The following ZC2HC1B variants were observed in gnomAD, a reference collection of about 807,000 sequenced individuals.
ZC2HC1B encodes zinc finger C2HC domain-containing protein 1B.
A neutral mutation model predicts 31.0 loss-of-function variants in ZC2HC1B; 36 were observed. The observed-to-expected ratio is 1.16, with a 90% CI of 0.89 to 1.54. ZC2HC1B has a LOEUF of 1.54. Ranked by LOEUF, ZC2HC1B falls within the 40% of genes most tolerant of loss-of-function variation. The pLI is 0.00. For missense variants in ZC2HC1B, 260 were observed against 268.6 expected (o/e 0.97, Z 0.22); for synonymous variants, 73 against 88.0 (o/e 0.83, Z 0.95).
At chr6:143,906,592 C>T (rs944477648) in intron 6 of ZC2HC1B, among the ~76,000 whole-genome samples, 1 of 151,992 alleles carries the variant, frequency 6.6e-6, no homozygotes, top group Non-Finnish European at 1.5e-5. Context: ...CACAGGCACA[C>T]ACCACCACAC....
rs2128495465 is a variant in ZC2HC1B at position 143,905,378 on chromosome 6, G to C, written c.598+2226G>C. ...TTTGATTGTTCATTGTCAGTATATA[G>C]AAACACAACTAATTTTCCTGTGTTG... On this transcript the variant is annotated intron_variant, in intron 6 of 7. Transcript: ENST00000237275. This position sits in a 1 kb window ranked among gnomAD's most constrained non-coding sequence, Gnocchi z 4.2. Among the ~76,000 whole-genome samples the C allele has an allele frequency of 6.6e-6, 1 of 152,130 alleles. No homozygotes were observed. The highest frequency in any genetic ancestry group is 3.4e-3 in the Middle Eastern group (1 of 294).
rs956999998 is a variant in ZC2HC1B at position 143,913,211 on chromosome 6, T to C, written c.598+10059T>C. Among the ~76,000 whole-genome samples, 1 of 152,002 alleles carries C rather than the reference T, an allele frequency of 6.6e-6. No homozygotes were observed. Among genetic ancestry groups the C allele is most frequent in the Non-Finnish European group, 1.5e-5 (1 of 67,974 alleles). On this transcript the variant is annotated intron_variant, in intron 6 of 7. Transcript: ENST00000237275. The surrounding 1 kb of genome is among the most constrained non-coding windows in gnomAD (Gnocchi z 5.7). ...TATGTGCAGGCAGGTGTGGCTGGAG[T>C]GTCCAGCTAGAAGGTTCTACCCAGT...
intron 1 of ZC2HC1B, among the ~76,000 whole-genome samples, chr6:143,882,355 T>TATATATATATATATATATATA (rs1777479999): frequency 7.2e-6 from 1 of 138,482 alleles, no homozygotes; most frequent in African/African-American, 2.9e-5. Context: ...TATATATATA[T>TATATATATATATATATATATA]ATATATATAT....
At chr6:143,888,464 A>G (rs1432382088) in intron 4 of ZC2HC1B, among the ~76,000 whole-genome samples, 2 of 152,160 alleles carry the variant, frequency 1.3e-5, no homozygotes, top group South Asian at 4.1e-4. Flanking sequence ...ATTGAACTGA[A>G]TATATAGAAT....
intron 6 of ZC2HC1B, among the ~76,000 whole-genome samples, chr6:143,930,598 C>G (rs1043250483): frequency 6.6e-6 from 1 of 151,984 alleles, no homozygotes; most frequent in Non-Finnish European, 1.5e-5. Flanking sequence ...ACCGTGGTCT[C>G]GATCTCCTGA....
chr6:143,869,141 G>A lies in ZC2HC1B; in HGVS notation c.28+4574G>A, dbSNP rs558024036. ...TGACCCAAACCTTCATTCCTGAAGG[G>A]TCTGGGCCATTTGTAGTCCTGCCTG... On this transcript the variant is annotated intron_variant, in intron 1 of 7. Transcript: ENST00000237275. This position sits in a 1 kb window ranked among gnomAD's most constrained non-coding sequence, Gnocchi z 5.2. 5.3e-4 allele frequency among the ~76,000 whole-genome samples: 80 copies of A among 152,230 alleles called. No individual in the cohort carries two copies. The highest frequency in any genetic ancestry group is 1.8e-3 in the African/African-American group (75 of 41,540).
chr6:143,891,017 G>C (rs1163150192), intron 4 of ZC2HC1B, among the ~76,000 whole-genome samples: 1 of 151,582 alleles, frequency 6.6e-6, no homozygotes, highest in Non-Finnish European at 1.5e-5. Flanking sequence ...TGTAATCCCA[G>C]TTACTCGGGA....
At chr6:143,925,081 G>A (rs1307799136) in intron 6 of ZC2HC1B, among the ~76,000 whole-genome samples, 3 of 148,600 alleles carry the variant, frequency 2.0e-5, no homozygotes, top group Non-Finnish European at 4.5e-5. Context: ...TTCTTTACAA[G>A]TTTGATAGCA....
At position 143,924,325 on chromosome 6, in the gene ZC2HC1B, T is replaced by G. The variant is rs946126031; in HGVS notation, c.599-13324T>G. 3.3e-5 allele frequency among the ~76,000 whole-genome samples: 5 copies of G among 151,350 alleles called. No individual in the cohort carries two copies. Among genetic ancestry groups the G allele is most frequent in the African/African-American group, 4.8e-5 (2 of 41,280 alleles). ...TTACTAAATTCATTTATTCTAGGAG[T>G]GTTTTTGGTGGAGTCTTTAGGTTTT... On this transcript the variant is annotated intron_variant, in intron 6 of 7. Transcript: ENST00000237275. The surrounding 1 kb of genome is among the most constrained non-coding windows in gnomAD (Gnocchi z 5.2).
rs1777337397 is a variant in ZC2HC1B at position 143,871,585 on chromosome 6, G to T, written c.28+7018G>T. 6.6e-6 allele frequency among the ~76,000 whole-genome samples: 1 copy of T among 152,184 alleles called. No homozygotes were observed. The highest frequency in any genetic ancestry group is 1.5e-5 in the Non-Finnish European group (1 of 68,024). ...ATGATAATCCACTCTCATTCTTCCAGATCCATCTGTCTTCTGCACAGGCCA... is the reference window on the plus strand; with the variant it reads ...ATGATAATCCACTCTCATTCTTCCATATCCATCTGTCTTCTGCACAGGCCA... On this transcript the variant is annotated intron_variant, in intron 1 of 7. Coordinates refer to ENST00000237275, the MANE Select transcript of ZC2HC1B (RefSeq NM_001013623.3). The surrounding 1 kb of genome is among the most constrained non-coding windows in gnomAD (Gnocchi z 4.1).
chr6:143,905,775 A>T lies in ZC2HC1B; in HGVS notation c.598+2623A>T, dbSNP rs940956387. On this transcript the variant is annotated intron_variant, in intron 6 of 7. Coordinates refer to ENST00000237275, the MANE Select transcript of ZC2HC1B (RefSeq NM_001013623.3). This position sits in a 1 kb window ranked among gnomAD's most constrained non-coding sequence, Gnocchi z 4.2. ...TGTTTTTATCATGAAAGGGTGTTGA[A>T]TTTTCTCAAATGGTTTTTTTTGCAT... Among the ~76,000 whole-genome samples, 6 of 151,810 alleles carry T rather than the reference A, an allele frequency of 4.0e-5. No individual in the cohort carries two copies. Among genetic ancestry groups the T allele is most frequent in the Non-Finnish European group, 8.8e-5 (6 of 67,906 alleles).
At chr6:143,873,591 T>C (rs1213684368) in intron 1 of ZC2HC1B, among the ~76,000 whole-genome samples, 2 of 152,234 alleles carry the variant, frequency 1.3e-5, no homozygotes, top group Non-Finnish European at 2.9e-5. Flanking sequence ...TCTTCTGAAA[T>C]CTAGGGGGAA....
rs929642374 is a variant in ZC2HC1B at position 143,934,877 on chromosome 6, C to T, written c.599-2772C>T. Among the ~76,000 whole-genome samples the T allele has an allele frequency of 4.6e-5, 7 of 152,134 alleles. No individual in the cohort carries two copies. Among genetic ancestry groups the T allele is most frequent in the African/African-American group, 7.2e-5 (3 of 41,408 alleles). ...TGTCCTTGGGACCCCAGGTAGCATACGTGGGCACTGGTGTTAGCAGGTCCA... is the reference window on the plus strand; with the variant it reads ...TGTCCTTGGGACCCCAGGTAGCATATGTGGGCACTGGTGTTAGCAGGTCCA... On this transcript the variant is annotated intron_variant, in intron 6 of 7. Transcript: ENST00000237275. This position sits in a 1 kb window ranked among gnomAD's most constrained non-coding sequence, Gnocchi z 4.6.
At chr6:143,896,189 C>A (rs1582961397) in intron 4 of ZC2HC1B, among the ~76,000 whole-genome samples, 1 of 152,172 alleles carries the variant, frequency 6.6e-6, no homozygotes, top group East Asian at 1.9e-4. Flanking sequence ...CAGTAATTGT[C>A]TGTTTGCCTA....
At chr6:143,909,613 C>T (rs1346489816) in intron 6 of ZC2HC1B, among the ~76,000 whole-genome samples, 1 of 140,080 alleles carries the variant, frequency 7.1e-6, no homozygotes, top group African/African-American at 2.7e-5. Context: ...TTCAGGCATT[C>T]TGTTTCTTCC....
chr6:143,899,044 G>A lies in ZC2HC1B; in HGVS notation c.489+353G>A, dbSNP rs771017784. The stretch of plus-strand genomic sequence containing the variant: ...AACCTGAAGTGAAACTGCCTGAGTG[G>A]GACAGGCTGTCCCAAGGCAACTGCC... On this transcript the variant is annotated intron_variant, in intron 5 of 7. Coordinates refer to ENST00000237275, the MANE Select transcript of ZC2HC1B (RefSeq NM_001013623.3). This position sits in a 1 kb window ranked among gnomAD's most constrained non-coding sequence, Gnocchi z 5.0. Among the ~76,000 whole-genome samples, 4 of 152,140 alleles carry A rather than the reference G, an allele frequency of 2.6e-5. No homozygotes were observed. Among genetic ancestry groups the A allele is most frequent in the Non-Finnish European group, 5.9e-5 (4 of 68,038 alleles).
At position 143,882,336 on chromosome 6, in the gene ZC2HC1B, A is replaced by T. The variant is rs1244037683; in HGVS notation, c.29-1968A>T. Among the ~76,000 whole-genome samples the T allele has an allele frequency of 2.0e-3, 163 of 80,562 alleles. 1 individual carries two copies. In the East Asian group the frequency reaches 0.062, roughly 30 times the overall value. The allele number at this position is 80,562 out of a possible 152,430, so 52.9% of individuals were successfully genotyped here. On this transcript the variant is annotated intron_variant, in intron 1 of 7. Coordinates refer to ENST00000237275, the MANE Select transcript of ZC2HC1B (RefSeq NM_001013623.3). Reference sequence around the variant, plus strand: ...TATGTATACATATTTTATATTTTTTATATATATATATATATATATATATAT... The same window carrying T: ...TATGTATACATATTTTATATTTTTTTTATATATATATATATATATATATAT...
chr6:143,926,627 G>A lies in ZC2HC1B; in HGVS notation c.599-11022G>A, dbSNP rs529596596. ...TATTCCATGCATGTCTTTTAGGTAC[G>A]TTGATCTGAAGTGCAATTTAAATCT... On this transcript the variant is annotated intron_variant, in intron 6 of 7. Coordinates refer to ENST00000237275, the MANE Select transcript of ZC2HC1B (RefSeq NM_001013623.3). Among the ~76,000 whole-genome samples the A allele has an allele frequency of 1.8e-3, 274 of 152,036 alleles. 3 individuals are homozygous for A. The highest frequency in any genetic ancestry group is 6.5e-3 in the African/African-American group (270 of 41,494).
At chr6:143,879,878 A>G (rs1582953565) in intron 1 of ZC2HC1B, among the ~76,000 whole-genome samples, 2 of 125,340 alleles carry the variant, frequency 1.6e-5, no homozygotes, top group East Asian at 5.0e-4. Context: ...GTTGCCCAGC[A>G]GGCACAATCA....
Sources: allele counts gnomAD v4.1 joint callset (sites outside exome capture counted in the v4.1 genomes callset), GRCh38; gene constraint gnomAD v4.1.1; non-coding constraint Gnocchi (gnomAD v3.1); transcripts MANE v1.5; gene names NCBI Gene and HGNC (gene_info 2026-07-23, HGNC 2026-07-21).